The following WAC variants were observed in gnomAD, a reference collection of about 807,000 sequenced individuals.
WAC encodes the protein WW domain-containing adapter protein with coiled-coil.
A neutral mutation model predicts 79.6 loss-of-function variants in WAC; 11 were observed. That is an observed-to-expected ratio of 0.14 (90% confidence interval 0.09 to 0.23). The LOEUF is 0.23. Ranked by LOEUF, WAC falls within the 10% of genes least tolerant of loss-of-function variation. The pLI is 1.00. For synonymous variants in WAC, 304 were observed against 276.9 expected (o/e 1.10, Z -0.97); for missense variants, 728 against 773.5 (o/e 0.94, Z 0.70).
chr10:28,549,387 A>C (rs958069885), intron 3 of WAC, among the ~76,000 whole-genome samples: 1 of 152,126 alleles, frequency 6.6e-6, no homozygotes. Flanking sequence ...TTTCAGGCCT[A>C]CATATCTCTT....
rs71281550 is a variant in WAC at position 28,563,744 on chromosome 10, C to CTTTTTTTTTTTTTTT, written c.275-19640_275-19626dup. Among the ~76,000 whole-genome samples, 89 of 67,908 alleles carry CTTTTTTTTTTTTTTT rather than the reference C, an allele frequency of 1.3e-3. 1 individual carries two copies. The highest frequency in any genetic ancestry group is 2.9e-3 in the East Asian group (3 of 1,040). 44.6% of individuals were successfully genotyped at this position (67,908 alleles called of 152,430 possible). Reference sequence around the variant, plus strand: ...ACAAGTGCATGCTGCCTACACCCAGCTTTTTTTTTTTTTTTTTTTTTTTTT... The same window carrying CTTTTTTTTTTTTTTT: ...ACAAGTGCATGCTGCCTACACCCAGCTTTTTTTTTTTTTTTTTTTTTTTTTTTTTTTTTTTTTTTT... On this transcript the variant is annotated intron_variant, in intron 3 of 13. Coordinates refer to ENST00000354911, the MANE Select transcript of WAC (RefSeq NM_016628.5).
intron 3 of WAC, among the ~76,000 whole-genome samples, chr10:28,582,718 T>G (rs192830005): frequency 4.6e-5 from 7 of 152,332 alleles, no homozygotes; most frequent in African/African-American, 1.7e-4. Context: ...TGGATTTTTA[T>G]ACCCTGCTTT....
chr10:28,613,596 G>T (rs1401785544), intron 10 of WAC, among the ~76,000 whole-genome samples: 3 of 152,116 alleles, frequency 2.0e-5, no homozygotes, highest in African/African-American at 7.2e-5. Context: ...GAACATTTGA[G>T]CTTTTATGTA....
rs1839461064 is a variant in WAC, at chr10:28,580,176, C to G, written c.275-3223C>G. ...TTTTAGAGAAGTCAGGCTGGTGTGC[C>G]TTGATGCTTATGACTTGATTATTAT... On this transcript the variant is annotated intron_variant, in intron 3 of 13. Coordinates refer to ENST00000354911, the MANE Select transcript of WAC (RefSeq NM_016628.5). 2.0e-5 allele frequency among the ~76,000 whole-genome samples: 3 copies of G among 152,122 alleles called. No individual in the cohort carries two copies. The South Asian group carries it at 6.2e-4, about 32-fold the overall frequency.
rs770896709 is a variant in WAC, at chr10:28,610,717, C to T, written c.1184C>T (p.Thr395Ile). 6.2e-7 allele frequency: 1 copy of T among 1,609,648 alleles called. No homozygotes were observed. Among genetic ancestry groups the T allele is most frequent in the Non-Finnish European group, 8.5e-7 (1 of 1,178,860 alleles). The change falls in exon 9 of 14, where the codon ACA becomes ATA. Residue 395 changes from threonine to isoleucine, a missense_variant. Thr to Ile is a moderately conservative substitution (Grantham distance 89, BLOSUM62 -1). This residue lies in a region of WAC where 648 missense variants were observed against 661.5 expected (regional missense o/e 0.98). Transcript: ENST00000354911. ...KINEVLTAAV[T>I]QASLQSIIHK... is the part of the protein sequence containing the mutation. The stretch of plus-strand genomic sequence containing the variant: ...TTTTTAGTTCTTACAGCAGCTGTGA[C>T]ACAAGCCTCACTGCAGTCTATAATT...
intron 7 of WAC, among the ~76,000 whole-genome samples, chr10:28,597,643 C>T (rs1176788013): frequency 6.6e-6 from 1 of 152,068 alleles, no homozygotes; most frequent in Non-Finnish European, 1.5e-5. Context: ...GTCTTTAGTT[C>T]TAGTTCAGAC....
intron 3 of WAC, among the ~76,000 whole-genome samples, chr10:28,545,982 A>G (rs1405225400): frequency 6.6e-6 from 1 of 152,246 alleles, no homozygotes; most frequent in Non-Finnish European, 1.5e-5. Flanking sequence ...AAGTTAGTAG[A>G]GTATACTTAG....
intron 3 of WAC, among the ~76,000 whole-genome samples, chr10:28,540,969 CT>C (rs796699496): frequency 1.2e-4 from 18 of 152,110 alleles, no homozygotes; most frequent in African/African-American, 4.3e-4. Flanking sequence ...AGTCATTTGT[CT>C]TACGCTTCTC....
chr10:28,534,902 A>G (rs544014640), intron 2 of WAC, among the ~76,000 whole-genome samples: 2 of 152,380 alleles, frequency 1.3e-5, no homozygotes, highest in East Asian at 1.9e-4. Context: ...ACACATTGCA[A>G]CAGATTAGTA....
intron 3 of WAC, among the ~76,000 whole-genome samples, chr10:28,571,443 TC>T (rs1838958598): frequency 6.6e-6 from 1 of 152,204 alleles, no homozygotes; most frequent in Non-Finnish European, 1.5e-5. Context: ...GTAACCGTGT[TC>T]CTGTCAGACT....
At chr10:28,594,466 T>G (rs1041035319) in intron 6 of WAC, among the ~76,000 whole-genome samples, 2 of 152,250 alleles carry the variant, frequency 1.3e-5, no homozygotes, top group African/African-American at 4.8e-5. Context: ...GATGTTTGTA[T>G]TCTGTTCATT....
rs1330104502 is a variant in WAC, at chr10:28,595,978, T to C, written c.856T>C (p.Ser286Pro). 1 of 1,614,152 alleles carries C rather than the reference T, an allele frequency of 6.2e-7. No individual in the cohort carries two copies. The highest frequency in any genetic ancestry group is 8.5e-7 in the Non-Finnish European group (1 of 1,180,010). ...PKKSFDANGA[S>P]TLSKLPTPTS... ...GAAATCATTTGATGCTAATGGAGCA[T>C]CTACTTTATCAAAACTGCCTACACC... The change falls in exon 7 of 14, where the codon TCT becomes CCT. Residue 286 changes from serine to proline, a missense_variant. By Grantham distance (74) the Ser-to-Pro change is moderately conservative. Coordinates refer to ENST00000354911, the MANE Select transcript of WAC (RefSeq NM_016628.5).
intron 6 of WAC, 76 bp downstream of exon 6, chr10:28,590,908 C>T (rs1840048717): frequency 2.8e-6 from 3 of 1,069,836 alleles, no homozygotes; most frequent in Non-Finnish European, 2.7e-6. Context: ...TATCCATTGC[C>T]ATCTACATAT....
Position 28,556,388 on chromosome 10 carries a change from A to ATTTTTTTTTTTTTTTTTTTTTT in WAC, c.274+20637_274+20658dup, listed in dbSNP as rs764934182. On this transcript the variant is annotated intron_variant, in intron 3 of 13. Coordinates refer to ENST00000354911, the MANE Select transcript of WAC (RefSeq NM_016628.5). ...TAGATTCAATTTCGTTGCCCATTAA[A>ATTTTTTTTTTTTTTTTTTTTTT]TTTTTTTTTTTTTTTTTTTTTTTTT... is the stretch of plus-strand genomic sequence containing the variant. Among the ~76,000 whole-genome samples the ATTTTTTTTTTTTTTTTTTTTTT allele has an allele frequency of 2.7e-4, 15 of 55,092 alleles. 3 individuals carry two copies. The highest frequency in any genetic ancestry group is 6.6e-4 in the Admixed American group (2 of 3,034). 36.1% of individuals were successfully genotyped at this position (55,092 alleles called of 152,430 possible).
At chr10:28,562,762 A>C (rs1271008212) in intron 3 of WAC, among the ~76,000 whole-genome samples, 1 of 152,234 alleles carries the variant, frequency 6.6e-6, no homozygotes, top group Admixed American at 6.5e-5. Flanking sequence ...TAGTGCATTA[A>C]TGACAGTGAT....
intron 3 of WAC, among the ~76,000 whole-genome samples, chr10:28,547,229 T>C (rs1837399401): frequency 1.3e-5 from 2 of 152,180 alleles, no homozygotes; most frequent in Non-Finnish European, 2.9e-5. Context: ...GTTACATATG[T>C]TTGCTTAAAG....
chr10:28,567,799 A>G (rs995002426), intron 3 of WAC, among the ~76,000 whole-genome samples: 4 of 152,062 alleles, frequency 2.6e-5, no homozygotes, highest in Non-Finnish European at 5.9e-5. Context: ...TTATAGCCCA[A>G]GCTGGAGTGC....
intron 7 of WAC, 130 bp from the exon 8 acceptor site, chr10:28,608,056 T>C: frequency 1.1e-6 from 1 of 932,506 alleles, no homozygotes; most frequent in Non-Finnish European, 1.6e-6. Context: ...ATCTTCTGTG[T>C]GCTCCAGTGT....
chr10:28,562,868 G>C (rs1838374189), intron 3 of WAC, among the ~76,000 whole-genome samples: 1 of 151,880 alleles, frequency 6.6e-6, no homozygotes, highest in Non-Finnish European at 1.5e-5. Flanking sequence ...CTTTAATGCT[G>C]TTTTTCAAAC....
Sources: allele counts gnomAD v4.1 joint callset (sites outside exome capture counted in the v4.1 genomes callset), GRCh38; gene constraint gnomAD v4.1.1; regional missense constraint gnomAD v4.1.1; transcripts MANE v1.5; gene names NCBI Gene and HGNC (gene_info 2026-07-23, HGNC 2026-07-21).